NELL1: variants seen among roughly 807,000 people sequenced by gnomAD.
The protein encoded by NELL1 is protein kinase C-binding protein NELL1.
A neutral mutation model predicts 107.4 loss-of-function variants in NELL1; 76 were observed. The ratio of observed to expected loss-of-function variants is 0.71; its 90% CI spans 0.59 to 0.86. The LOEUF (loss-of-function observed/expected upper bound fraction) is 0.86, where lower values mean the gene tolerates loss of function less well. Ranked by LOEUF, NELL1 falls within the 40% of genes least tolerant of loss-of-function variation. NELL1 has a pLI of 0.00. For missense variants in NELL1, 1,024 were observed against 1,005.5 expected (o/e 1.02, Z -0.25); for synonymous variants, 353 against 341.2 (o/e 1.03, Z -0.38).
At chr11:21,215,615 G>C (rs1565114919) in intron 13 of NELL1, among the ~76,000 whole-genome samples, 1 of 152,176 alleles carries the variant, frequency 6.6e-6, no homozygotes, top group East Asian at 1.9e-4. Flanking sequence ...CCAGGTTGAG[G>C]TGGTCTCAGA....
chr11:21,220,246 T>A (rs1265484335), intron 13 of NELL1, among the ~76,000 whole-genome samples: 2 of 152,230 alleles, frequency 1.3e-5, no homozygotes, highest in Non-Finnish European at 2.9e-5. Flanking sequence ...AGTATCATGC[T>A]GTTTTGGTTA....
At chr11:20,763,953 T>G (rs900591399) in intron 2 of NELL1, among the ~76,000 whole-genome samples, 1 of 152,228 alleles carries the variant, frequency 6.6e-6, no homozygotes, top group Non-Finnish European at 1.5e-5. Context: ...TGATGTGCAC[T>G]GGCAAGGTAA....
chr11:21,036,677 G>T (rs191271436), intron 12 of NELL1, among the ~76,000 whole-genome samples: 56 of 151,974 alleles, frequency 3.7e-4, no homozygotes, highest in African/African-American at 1.2e-3. Context: ...GCCAGTTAAT[G>T]AATTCTTCCT....
intron 3 of NELL1, among the ~76,000 whole-genome samples, chr11:20,807,554 G>A (rs1857411374): frequency 6.6e-6 from 1 of 152,204 alleles, no homozygotes; most frequent in African/African-American, 2.4e-5. Flanking sequence ...CCTGTCTGCT[G>A]CCTATGTTTG....
At chr11:21,047,238 C>A (rs1473509354) in intron 12 of NELL1, among the ~76,000 whole-genome samples, 2 of 152,174 alleles carry the variant, frequency 1.3e-5, no homozygotes, top group Non-Finnish European at 1.5e-5. Flanking sequence ...CAATTATATC[C>A]CTTTCTTTTC....
At chr11:21,260,121 A>T (rs1181601147) in intron 14 of NELL1, 1 of 151,952 alleles carries the variant, frequency 6.6e-6, no homozygotes, top group Non-Finnish European at 1.5e-5. Flanking sequence ...AAATAGTCTT[A>T]TCACATAATA....
intron 2 of NELL1, among the ~76,000 whole-genome samples, chr11:20,708,069 C>A (rs1422632610): frequency 6.6e-6 from 1 of 152,248 alleles, no homozygotes; most frequent in African/African-American, 2.4e-5. Flanking sequence ...CCCAGCCTCG[C>A]TGCTGCTTTG....
chr11:21,199,241 C>T (rs749847360), intron 13 of NELL1, among the ~76,000 whole-genome samples: 4 of 152,126 alleles, frequency 2.6e-5, no homozygotes, highest in African/African-American at 9.7e-5. Context: ...TACCTTAAAT[C>T]CATTGGGCTC....
chr11:20,728,593 T>C (rs545863696), intron 2 of NELL1, among the ~76,000 whole-genome samples: 1 of 151,262 alleles, frequency 6.6e-6, no homozygotes, highest in African/African-American at 2.4e-5. Context: ...TTTTTTTTTT[T>C]CAACTTTGTT....
chr11:21,334,264 TA>T (rs1388945150), intron 14 of NELL1, among the ~76,000 whole-genome samples: 1 of 152,022 alleles, frequency 6.6e-6, no homozygotes, highest in Non-Finnish European at 1.5e-5. Context: ...GCCAGGAGTC[TA>T]AAACTATTTT....
intron 14 of NELL1, among the ~76,000 whole-genome samples, chr11:21,296,151 A>G (rs570017768): frequency 6.6e-6 from 1 of 152,172 alleles, no homozygotes; most frequent in South Asian, 2.1e-4. Flanking sequence ...AATGCCTTAA[A>G]TTCAAATCCT....
At chr11:21,357,352 G>T (rs1447433616) in intron 14 of NELL1, among the ~76,000 whole-genome samples, 1 of 152,110 alleles carries the variant, frequency 6.6e-6, no homozygotes, top group Non-Finnish European at 1.5e-5. Flanking sequence ...GGCCATTCTT[G>T]CAGGAGTGAG....
intron 12 of NELL1, among the ~76,000 whole-genome samples, chr11:21,065,623 G>A (rs570849912): frequency 6.6e-6 from 1 of 152,296 alleles, no homozygotes; most frequent in Non-Finnish European, 1.5e-5. Context: ...TCTAGTCCTA[G>A]CTATATTACA....
intron 3 of NELL1, among the ~76,000 whole-genome samples, chr11:20,846,847 A>G (rs1176603513): frequency 6.6e-6 from 1 of 152,208 alleles, no homozygotes; most frequent in Non-Finnish European, 1.5e-5. Context: ...CTGTGAAAGT[A>G]CTAGCCCTGT....
chr11:21,337,345 G>T (rs1850426825), intron 14 of NELL1, among the ~76,000 whole-genome samples: 1 of 152,172 alleles, frequency 6.6e-6, no homozygotes, highest in South Asian at 2.1e-4. Flanking sequence ...GAAAAACTAT[G>T]TTGTTCTAAT....
At chr11:21,465,702 T>C (rs1282879341) in intron 15 of NELL1, among the ~76,000 whole-genome samples, 2 of 152,050 alleles carry the variant, frequency 1.3e-5, no homozygotes. Context: ...ATGTAGTGGA[T>C]AAGTACACAA....
At chr11:21,315,738 A>G (rs971125176) in intron 14 of NELL1, among the ~76,000 whole-genome samples, 2 of 152,198 alleles carry the variant, frequency 1.3e-5, no homozygotes, top group African/African-American at 2.4e-5. Flanking sequence ...AAACTAGGAT[A>G]TAATCAACAG....
rs1388104943 is a variant in NELL1 at position 20,927,294 on chromosome 11, A to G, written c.760-14A>G. On this transcript the variant is annotated splice_polypyrimidine_tract_variant and intron_variant, in intron 7 of 19. Coordinates refer to ENST00000357134, the MANE Select transcript of NELL1 (RefSeq NM_006157.5). Reference sequence around the variant, plus strand: ...TGAATTACAGAAATTACATTCAGTAACTCTTGTTTGCAGCTAAATTATGCA... The same window carrying G: ...TGAATTACAGAAATTACATTCAGTAGCTCTTGTTTGCAGCTAAATTATGCA... 6.3e-7 allele frequency: 1 copy of G among 1,594,690 alleles called. No individual in the cohort carries two copies. The highest frequency in any genetic ancestry group is 1.4e-5 in the African/African-American group (1 of 73,672).
chr11:20,738,448 A>G (rs11828787), intron 2 of NELL1, among the ~76,000 whole-genome samples: 7,859 of 152,240 alleles, frequency 0.052, 647 homozygotes, highest in African/African-American at 0.18. Flanking sequence ...AAGCAGGAGC[A>G]CTTCAGCTTA....
Sources: allele counts gnomAD v4.1 joint callset (sites outside exome capture counted in the v4.1 genomes callset), GRCh38; gene constraint gnomAD v4.1.1; transcripts MANE v1.5; gene names NCBI Gene and HGNC (gene_info 2026-07-23, HGNC 2026-07-21).